SDK1: variants seen among roughly 807,000 people sequenced by gnomAD.
SDK1 encodes sidekick cell adhesion molecule 1, also known as protein sidekick-1.
SDK1 carries 157 observed loss-of-function variants against 245.5 expected under a neutral mutation model. The observed-to-expected ratio is 0.64, with a 90% confidence interval of 0.56 to 0.73. The LOEUF (loss-of-function observed/expected upper bound fraction) is 0.73, where lower values mean the gene tolerates loss of function less well. SDK1 is among the 30% of genes least tolerant of loss of function. The pLI is 0.00. For synonymous variants in SDK1, 1,647 were observed against 1,278.5 expected, an observed-to-expected ratio of 1.29 and a Z score of -6.15; for missense variants, 3,583 against 3,002.3, an observed-to-expected ratio of 1.19 and a Z score of -4.52.
At chr7:3,991,895 C>T (rs907749002) in intron 14 of SDK1, among the ~76,000 whole-genome samples, 1 of 152,230 alleles carries the variant, frequency 6.6e-6, no homozygotes, top group Non-Finnish European at 1.5e-5. Context: ...TTATTAGCAA[C>T]AAATGCCCTT....
At chr7:3,751,504 G>C (rs909137807) in intron 4 of SDK1, among the ~76,000 whole-genome samples, 1 of 152,160 alleles carries the variant, frequency 6.6e-6, no homozygotes, top group African/African-American at 2.4e-5. Flanking sequence ...CAGCACTCTG[G>C]AGAGTGGTCC....
intron 4 of SDK1, among the ~76,000 whole-genome samples, chr7:3,749,330 C>T (rs915881147): frequency 9.9e-5 from 15 of 151,832 alleles, no homozygotes; most frequent in African/African-American, 1.9e-4. Context: ...AATGGAGTCT[C>T]GCCCTGTCAC....
At chr7:3,686,086 A>AT (rs1562370623) in intron 4 of SDK1, among the ~76,000 whole-genome samples, 1 of 151,924 alleles carries the variant, frequency 6.6e-6, no homozygotes, top group African/African-American at 2.4e-5. Flanking sequence ...TTTTTATTTT[A>AT]TTTTTTGAGA....
At chr7:3,771,850 C>T (rs1368691447) in intron 4 of SDK1, among the ~76,000 whole-genome samples, 1 of 152,160 alleles carries the variant, frequency 6.6e-6, no homozygotes, top group Admixed American at 6.5e-5. Context: ...ACCCCCCATC[C>T]ATCTCCAGAA....
At chr7:3,869,153 CTTTT>C (rs751723918) in intron 5 of SDK1, among the ~76,000 whole-genome samples, 10 of 117,128 alleles carry the variant, frequency 8.5e-5, no homozygotes, top group Admixed American at 8.5e-5. Context: ...TTTTTCATTT[CTTTT>C]TTTTTTTTTT....
chr7:3,405,173 AAAAC>A (rs1779016343), intron 1 of SDK1, among the ~76,000 whole-genome samples: 1 of 143,854 alleles, frequency 7.0e-6, no homozygotes, highest in East Asian at 1.9e-4. Flanking sequence ...AAAAAAAACA[AAAAC>A]AAAAACAAAA....
chr7:3,684,268 C>A (rs1248128751), intron 4 of SDK1, among the ~76,000 whole-genome samples: 1 of 152,206 alleles, frequency 6.6e-6, no homozygotes, highest in Admixed American at 6.5e-5. Flanking sequence ...ACCCCACACA[C>A]CCTTTCAGTC....
At chr7:3,975,795 A>T (rs1177808881) in intron 13 of SDK1, among the ~76,000 whole-genome samples, 2 of 152,236 alleles carry the variant, frequency 1.3e-5, no homozygotes, top group Admixed American at 1.3e-4. Context: ...CTCTTTAGAT[A>T]GCAGAGGTAA....
At chr7:4,016,462 A>G (rs1317664406) in intron 16 of SDK1, among the ~76,000 whole-genome samples, 1 of 152,246 alleles carries the variant, frequency 6.6e-6, no homozygotes, top group African/African-American at 2.4e-5. Flanking sequence ...AATCAAAATA[A>G]TACAATGCAA....
chr7:3,634,075 T>TA (rs1284160563), intron 2 of SDK1, among the ~76,000 whole-genome samples: 1 of 152,160 alleles, frequency 6.6e-6, no homozygotes, highest in African/African-American at 2.4e-5. Context: ...CAAATGTGTC[T>TA]AATTGGCCAT....
intron 5 of SDK1, among the ~76,000 whole-genome samples, chr7:3,933,540 T>A (rs150526850): frequency 5.7e-4 from 87 of 152,304 alleles, no homozygotes; most frequent in African/African-American, 1.9e-3. Context: ...GAGTAGTCTG[T>A]CACTTGATGT....
intron 44 of SDK1, among the ~76,000 whole-genome samples, chr7:4,250,647 G>T (rs999418922): frequency 6.6e-6 from 1 of 152,144 alleles, no homozygotes; most frequent in South Asian, 2.1e-4. Flanking sequence ...GCCCGGCCAG[G>T]AAGTGTATTT....
At chr7:3,798,211 C>CTTTTTTT (rs71029699) in intron 4 of SDK1, among the ~76,000 whole-genome samples, 4 of 53,644 alleles carry the variant, frequency 7.5e-5, no homozygotes, top group Admixed American at 2.8e-4. Flanking sequence ...CCTTGGCACT[C>CTTTTTTT]TTTTTTTTTT....
chr7:3,392,460 C>G (rs918045263), intron 1 of SDK1, among the ~76,000 whole-genome samples: 1 of 152,056 alleles, frequency 6.6e-6, no homozygotes, highest in Non-Finnish European at 1.5e-5. Flanking sequence ...TATATACACA[C>G]ATATAGCATA....
chr7:3,561,896 T>G (rs556525349), intron 1 of SDK1, among the ~76,000 whole-genome samples: 1 of 152,362 alleles, frequency 6.6e-6, no homozygotes, highest in African/African-American at 2.4e-5. Flanking sequence ...ATATTTCACT[T>G]TCTTTTCTAA....
At chr7:3,864,122 T>A (rs1292185819) in intron 5 of SDK1, among the ~76,000 whole-genome samples, 7 of 152,178 alleles carry the variant, frequency 4.6e-5, no homozygotes, top group African/African-American at 1.4e-4. Context: ...TGTTTTTGTT[T>A]TCATAATAAA....
rs1781597947 is a variant in SDK1 at position 3,896,105 on chromosome 7, C to T, written c.848-54818C>T. Among the ~76,000 whole-genome samples the T allele has an allele frequency of 2.0e-5, 3 of 152,022 alleles. No individual in the cohort carries two copies. In the South Asian group the frequency reaches 6.2e-4, roughly 32 times the overall value. ...AATTAGGTCAAGCTGGTTGATAGTC[C>T]CGTTCAAGTCTTCTGTTTACTGATT... On this transcript the variant is annotated intron_variant, in intron 5 of 44. Transcript: ENST00000404826.
intron 5 of SDK1, among the ~76,000 whole-genome samples, chr7:3,850,807 A>C (rs905188334): frequency 6.9e-6 from 1 of 144,740 alleles, no homozygotes; most frequent in Non-Finnish European, 1.5e-5. Flanking sequence ...GAATTGAACA[A>C]TGAGAACACT....
At chr7:3,783,796 A>G (rs964846876) in intron 4 of SDK1, among the ~76,000 whole-genome samples, 4 of 152,310 alleles carry the variant, frequency 2.6e-5, no homozygotes, top group African/African-American at 7.2e-5. Context: ...AACCCTACCA[A>G]TTCAGTGCAG....
Sources: allele counts gnomAD v4.1 joint callset (sites outside exome capture counted in the v4.1 genomes callset), GRCh38; gene constraint gnomAD v4.1.1; transcripts MANE v1.5; gene names NCBI Gene and HGNC (gene_info 2026-07-23, HGNC 2026-07-21).